The following CTNND2 variants were observed in gnomAD, a reference collection of about 807,000 sequenced individuals.
CTNND2 encodes catenin delta-2.
In CTNND2, 22 loss-of-function variants were observed where a neutral mutation model predicts 144.4. That is an observed-to-expected ratio of 0.15 (90% CI 0.11 to 0.22). CTNND2 has a LOEUF of 0.22. Among genes scored for constraint, CTNND2 ranks in the 10% least tolerant of loss-of-function variants. The pLI, the probability that CTNND2 is intolerant of heterozygous loss-of-function variation, is 1.00. For synonymous variants in CTNND2, 751 were observed against 695.6 expected, an observed-to-expected ratio of 1.08 and a Z score of -1.25; for missense variants, 1,353 against 1,618.8, an observed-to-expected ratio of 0.84 and a Z score of 2.82.
At position 11,582,474 on chromosome 5, in the gene CTNND2, C is replaced by T. The variant is rs550835953; in HGVS notation, c.175-17418G>A. 2.0e-5 allele frequency among the ~76,000 whole-genome samples: 3 copies of T among 152,278 alleles called. 1 individual carries two copies. Among genetic ancestry groups the T allele is most frequent in the African/African-American group, 7.2e-5 (3 of 41,556 alleles). Reference sequence around the variant, plus strand: ...GGAGAACGACCGTCACTGAACTACACCTTTTGGCACCACATAAATGCTGGC... The same window carrying T: ...GGAGAACGACCGTCACTGAACTACATCTTTTGGCACCACATAAATGCTGGC... On this transcript the variant is annotated intron_variant, in intron 2 of 21. Transcript: ENST00000304623.
At chr5:11,684,436 A>G (rs1784555395) in intron 2 of CTNND2, among the ~76,000 whole-genome samples, 1 of 152,186 alleles carries the variant, frequency 6.6e-6, no homozygotes. Context: ...AAATAGTGTA[A>G]ATATTTAATG....
At chr5:11,182,399 C>CTG (rs1735175872) in intron 11 of CTNND2, among the ~76,000 whole-genome samples, 2 of 151,942 alleles carry the variant, frequency 1.3e-5, no homozygotes, top group African/African-American at 4.8e-5. Context: ...ATATATATGT[C>CTG]TGTGTGTGCA....
At position 11,817,980 on chromosome 5, in the gene CTNND2, T is replaced by C. The variant is rs1175879805; in HGVS notation, c.38-85708A>G. Among the ~76,000 whole-genome samples the C allele has an allele frequency of 2.7e-4, 25 of 93,802 alleles. No homozygotes were observed. The Admixed American group carries it at 3.9e-3, about 15-fold the overall frequency. 61.5% of individuals were successfully genotyped at this position (93,802 alleles called of 152,430 possible). A position where few individuals can be genotyped will look rare whatever the true frequency, so the allele number is the denominator to read the frequency against. On this transcript the variant is annotated intron_variant, in intron 1 of 21. Coordinates refer to ENST00000304623, the MANE Select transcript of CTNND2 (RefSeq NM_001332.4). Reference sequence around the variant, plus strand: ...TGAAGTGAAGATACGTATTATGAGGTGTTTTTTTTTTTTTTTTTTTTTTTC... The same window carrying C: ...TGAAGTGAAGATACGTATTATGAGGCGTTTTTTTTTTTTTTTTTTTTTTTC...
At chr5:11,593,946 ATTGGAAC>A (rs1779381532) in intron 2 of CTNND2, among the ~76,000 whole-genome samples, 1 of 152,210 alleles carries the variant, frequency 6.6e-6, no homozygotes, top group Non-Finnish European at 1.5e-5. Flanking sequence ...ATTGGGTGTT[ATTGGAAC>A]TTTCATAAAA....
At chr5:11,055,428 C>T (rs115287678) in intron 16 of CTNND2, among the ~76,000 whole-genome samples, 2,800 of 152,214 alleles carry the variant, frequency 0.018, 94 homozygotes, top group African/African-American at 0.064. Context: ...CTGCCATACC[C>T]CCATTTATTT....
intron 9 of CTNND2, among the ~76,000 whole-genome samples, chr5:11,275,753 G>T (rs1746456385): frequency 6.6e-6 from 1 of 152,174 alleles, no homozygotes; most frequent in African/African-American, 2.4e-5. Context: ...TAGAATTAAA[G>T]TTTGACATGA....
In CTNND2 at chr5:11,418,125, G is replaced by T. The variant is rs114860076; in HGVS notation, c.288-6056C>A. Among the ~76,000 whole-genome samples the T allele has an allele frequency of 6.4e-3, 967 of 151,996 alleles. 13 individuals carry two copies. Among genetic ancestry groups the T allele is most frequent in the Middle Eastern group, 0.02 (6 of 294 alleles). ...TATCGGTTTGAAAAGAGCTCTTTTG[G>T]GCCGGGCGTGGTGGCTCACTCCTAT... is the stretch of plus-strand genomic sequence containing the variant. On this transcript the variant is annotated intron_variant, in intron 3 of 21. Coordinates refer to ENST00000304623, the MANE Select transcript of CTNND2 (RefSeq NM_001332.4).
intron 1 of CTNND2, among the ~76,000 whole-genome samples, chr5:11,889,819 C>T (rs917746804): frequency 1.3e-5 from 2 of 152,150 alleles, no homozygotes; most frequent in Non-Finnish European, 2.9e-5. Flanking sequence ...ATATCCCAAA[C>T]ACATTAAACT....
intron 2 of CTNND2, among the ~76,000 whole-genome samples, chr5:11,600,299 AC>A (rs1464987823): frequency 1.3e-5 from 2 of 152,348 alleles, no homozygotes; most frequent in East Asian, 1.9e-4. Flanking sequence ...AACTAAAAAA[AC>A]AAAACAACAA....
intron 12 of CTNND2, among the ~76,000 whole-genome samples, chr5:11,139,023 C>T (rs924017136): frequency 9.2e-5 from 14 of 151,454 alleles, no homozygotes; most frequent in African/African-American, 2.4e-4. Flanking sequence ...TAAAATGGCA[C>T]GATCTTGGCT....
At chr5:11,511,054 T>C (rs570047625) in intron 3 of CTNND2, among the ~76,000 whole-genome samples, 1 of 152,336 alleles carries the variant, frequency 6.6e-6, no homozygotes, top group South Asian at 2.1e-4. Context: ...ATGCGTACTA[T>C]GTCCAAGTAT....
intron 12 of CTNND2, among the ~76,000 whole-genome samples, chr5:11,156,891 G>A (rs964164522): frequency 3.9e-5 from 6 of 152,174 alleles, no homozygotes; most frequent in African/African-American, 1.2e-4. Flanking sequence ...ATGCCACTCC[G>A]TTTATCTCTG....
chr5:11,155,486 A>G (rs1265969545), intron 12 of CTNND2, among the ~76,000 whole-genome samples: 2 of 152,160 alleles, frequency 1.3e-5, no homozygotes, highest in African/African-American at 4.8e-5. Flanking sequence ...GCAGAATTGG[A>G]GCAAAAGGAA....
At chr5:11,716,275 C>T (rs1786345218) in intron 2 of CTNND2, among the ~76,000 whole-genome samples, 1 of 152,074 alleles carries the variant, frequency 6.6e-6, no homozygotes, top group South Asian at 2.1e-4. Flanking sequence ...AGAAGAGTAG[C>T]AATTTAGTTA....
At chr5:11,706,270 G>A (rs1277562097) in intron 2 of CTNND2, among the ~76,000 whole-genome samples, 1 of 152,186 alleles carries the variant, frequency 6.6e-6, no homozygotes, top group Non-Finnish European at 1.5e-5. Flanking sequence ...ACTCATAAAA[G>A]TGTGCTTTTT....
chr5:11,719,831 TATAC>T (rs748986350), intron 2 of CTNND2, among the ~76,000 whole-genome samples: 36 of 109,486 alleles, frequency 3.3e-4, no homozygotes, highest in Admixed American at 4.4e-4. Context: ...AGCTCTGACA[TATAC>T]ACACACACAC....
intron 1 of CTNND2, among the ~76,000 whole-genome samples, chr5:11,809,927 C>G (rs1792227132): frequency 6.6e-6 from 1 of 152,144 alleles, no homozygotes; most frequent in Non-Finnish European, 1.5e-5. Context: ...ACAATCATGT[C>G]TATAAATGCT....
At chr5:11,381,013 A>T (rs1758428993) in intron 7 of CTNND2, among the ~76,000 whole-genome samples, 1 of 152,024 alleles carries the variant, frequency 6.6e-6, no homozygotes, top group African/African-American at 2.4e-5. Flanking sequence ...ACTCCCTCTC[A>T]ATTGATGGTG....
chr5:11,612,797 G>T (rs1780396281), intron 2 of CTNND2, among the ~76,000 whole-genome samples: 1 of 152,112 alleles, frequency 6.6e-6, no homozygotes, highest in Non-Finnish European at 1.5e-5. Context: ...CAACTTGGGA[G>T]GTTAAGGCGG....
Sources: allele counts gnomAD v4.1 joint callset (sites outside exome capture counted in the v4.1 genomes callset), GRCh38; gene constraint gnomAD v4.1.1; transcripts MANE v1.5; gene names NCBI Gene and HGNC (gene_info 2026-07-23, HGNC 2026-07-21).